CLASP2: variants seen among roughly 807,000 people sequenced by gnomAD.
CLASP2 encodes the protein cytoplasmic linker associated protein 2.
CLASP2 carries 47 observed loss-of-function variants against 194.4 expected under a neutral mutation model. That is an observed-to-expected ratio of 0.24 (90% CI 0.19 to 0.31). CLASP2 has a LOEUF of 0.31. Ranked by LOEUF, CLASP2 falls within the 10% of genes least tolerant of loss-of-function variation. The pLI is 1.00. For missense variants in CLASP2, 1,445 were observed against 1,823.6 expected, an observed-to-expected ratio of 0.79 and a Z score of 3.78; for synonymous variants, 619 against 633.5, an observed-to-expected ratio of 0.98 and a Z score of 0.34.
At chr3:33,536,245 A>C (rs1443808736) in intron 33 of CLASP2, among the ~76,000 whole-genome samples, 3 of 139,946 alleles carry the variant, frequency 2.1e-5, no homozygotes, top group African/African-American at 2.7e-5. Context: ...ATTTTAGTGG[A>C]GGGACAGACC....
intron 21 of CLASP2, among the ~76,000 whole-genome samples, chr3:33,589,749 C>T (rs1296414755): frequency 1.3e-5 from 2 of 152,020 alleles, no homozygotes; most frequent in East Asian, 1.9e-4. Context: ...AAAAATTATT[C>T]TATTTTCCAG....
intron 30 of CLASP2, among the ~76,000 whole-genome samples, chr3:33,547,349 T>C (rs1443765927): frequency 6.6e-6 from 1 of 152,244 alleles, no homozygotes; most frequent in Non-Finnish European, 1.5e-5. Context: ...TAAGACATTA[T>C]TTGCTCTTCC....
chr3:33,672,318 G>A (rs2087459053), intron 6 of CLASP2, among the ~76,000 whole-genome samples: 1 of 152,230 alleles, frequency 6.6e-6, no homozygotes, highest in Non-Finnish European at 1.5e-5. Context: ...CACCACTGCT[G>A]ATACCCAGGC....
intron 19 of CLASP2, among the ~76,000 whole-genome samples, chr3:33,596,348 T>C (rs1008008535): frequency 6.6e-6 from 1 of 152,132 alleles, no homozygotes; most frequent in African/African-American, 2.4e-5. Context: ...CTTAATAGAC[T>C]AAAGAGGTGA....
intron 1 of CLASP2, among the ~76,000 whole-genome samples, chr3:33,713,497 G>T (rs185321036): frequency 2.6e-5 from 4 of 152,024 alleles, no homozygotes; most frequent in Admixed American, 2.6e-4. Context: ...ATCTCTTTTG[G>T]CAAACTAAAA....
At chr3:33,708,473 T>G (rs901585255) in intron 1 of CLASP2, among the ~76,000 whole-genome samples, 164 of 70,542 alleles carry the variant, frequency 2.3e-3, no homozygotes, top group African/African-American at 6.7e-3. Flanking sequence ...TGTGTGTGGG[T>G]GTGTGTGTGT....
intron 1 of CLASP2, among the ~76,000 whole-genome samples, chr3:33,713,215 G>A (rs1045851087): frequency 7.2e-5 from 11 of 151,912 alleles, no homozygotes; most frequent in African/African-American, 2.7e-4. Flanking sequence ...GTACAGCTAA[G>A]ACATTATAGA....
At position 33,576,665 on chromosome 3, in the gene CLASP2, G is replaced by A. The variant is rs532619825; in HGVS notation, c.2348-390C>T. On this transcript the variant is annotated intron_variant, in intron 23 of 38. Transcript: ENST00000682230. ...CAATCCTCAACCAATAGTGGTTAGG[G>A]AGATCCATGAAGGCACACTAGAAAT... Among the ~76,000 whole-genome samples the A allele has an allele frequency of 2.0e-5, 3 of 152,264 alleles. No individual in the cohort carries two copies. The South Asian group carries it at 6.2e-4, about 32-fold the overall frequency.
intron 20 of CLASP2, among the ~76,000 whole-genome samples, chr3:33,593,973 A>C (rs996856596): frequency 6.6e-6 from 1 of 152,110 alleles, no homozygotes; most frequent in East Asian, 1.9e-4. Flanking sequence ...CCTCCAGAAT[A>C]GGTGGGACTA....
At chr3:33,685,395 C>T (rs1256178139) in intron 5 of CLASP2, among the ~76,000 whole-genome samples, 1 of 123,506 alleles carries the variant, frequency 8.1e-6, no homozygotes, top group Non-Finnish European at 1.7e-5. Flanking sequence ...ATTATGTAAA[C>T]AACTGCCAAT....
chr3:33,656,674 T>A (rs551288505), intron 7 of CLASP2, among the ~76,000 whole-genome samples: 77 of 152,292 alleles, frequency 5.1e-4, no homozygotes, highest in Non-Finnish European at 6.0e-4. Context: ...ATGTAGTTTG[T>A]ACAAAGGTGC....
chr3:33,606,357 G>A lies in CLASP2; in HGVS notation c.1694+234C>T, dbSNP rs1429665789. Among the ~76,000 whole-genome samples the A allele has an allele frequency of 3.3e-5, 5 of 152,108 alleles. No individual in the cohort carries two copies. In the East Asian group the frequency reaches 5.8e-4, roughly 18 times the overall value. On this transcript the variant is annotated intron_variant, in intron 16 of 38. Coordinates refer to ENST00000682230, the MANE Select transcript of CLASP2 (RefSeq NM_001365631.1). ...TAGTGCTTCCCAGGCTTCTACAGAC[G>A]TGAACATATTGAAGCAAAATATGAA...
chr3:33,660,130 G>T (rs1164153193), intron 7 of CLASP2, among the ~76,000 whole-genome samples: 5 of 152,180 alleles, frequency 3.3e-5, no homozygotes, highest in African/African-American at 1.2e-4. Flanking sequence ...CAGTGAAAGA[G>T]AAAAGGATTT....
chr3:33,525,541 C>T (rs1318667241), intron 34 of CLASP2, among the ~76,000 whole-genome samples: 2 of 152,074 alleles, frequency 1.3e-5, no homozygotes, highest in Non-Finnish European at 2.9e-5. Flanking sequence ...CCTAGGAAAG[C>T]GGTGAGTGAA....
At chr3:33,612,214 G>A (rs2075315694) in intron 12 of CLASP2, 143 bp from the exon 13 acceptor site, 1 of 604,216 alleles carries the variant, frequency 1.7e-6, no homozygotes, top group Non-Finnish European at 2.9e-6. Flanking sequence ...ATTAAGACCA[G>A]TCTTGAAAAG....
rs1225101406 is a variant in CLASP2 at position 33,689,819 on chromosome 3, G to T, written c.378+10C>A. The T allele has an allele frequency of 1.3e-6, 2 of 1,535,172 alleles. No homozygotes were observed. The highest frequency in any genetic ancestry group is 1.7e-6 in the Non-Finnish European group (2 of 1,143,270). On this transcript the variant is annotated intron_variant, in intron 3 of 38. Coordinates refer to ENST00000682230, the MANE Select transcript of CLASP2 (RefSeq NM_001365631.1). ...ATTAGCAAAATCTGAATTTTAAAAT[G>T]TAGGCTTACCATAGGTGGTGCTACT...
At chr3:33,529,486 T>A (rs1235973103) in intron 34 of CLASP2, among the ~76,000 whole-genome samples, 1 of 135,836 alleles carries the variant, frequency 7.4e-6, no homozygotes, top group Non-Finnish European at 1.6e-5. Flanking sequence ...CATAGACCAC[T>A]GAACAGAATA....
chr3:33,639,249 G>A (rs2080826053), intron 8 of CLASP2, among the ~76,000 whole-genome samples: 1 of 151,998 alleles, frequency 6.6e-6, no homozygotes, highest in Admixed American at 6.6e-5. Flanking sequence ...GTACAGACAG[G>A]GTTTTGCCAT....
At position 33,498,416 on chromosome 3, in the gene CLASP2, G is replaced by T. The variant is rs758061638; in HGVS notation, c.*215C>A. On this transcript the variant is annotated 3_prime_UTR_variant, in exon 39 of 39. Transcript: ENST00000682230. ...GTGTCGATCAATTGATGTTAATACT[G>T]CTTCTTCTTGAATTTGGAATAACTA... 6.9e-6 allele frequency: 3 copies of T among 433,610 alleles called. No homozygotes were observed. Among genetic ancestry groups the T allele is most frequent in the Non-Finnish European group, 8.2e-6 (2 of 243,464 alleles). The allele number at this position is 433,610 out of a possible 1,614,324, so 26.9% of individuals were successfully genotyped here. A position where few individuals can be genotyped will look rare whatever the true frequency, so the allele number is the denominator to read the frequency against.
Sources: gnomAD v4.1 joint callset for allele counts (sites outside exome capture counted in the v4.1 genomes callset) on GRCh38, gnomAD v4.1.1 for gene constraint, MANE v1.5 for transcripts, NCBI Gene and HGNC (gene_info 2026-07-23, HGNC 2026-07-21) for gene names.